The following ZNF143 variants were observed in gnomAD, a reference collection of about 807,000 sequenced individuals.
The protein encoded by ZNF143 is SPH-binding factor.
ZNF143 carries 49 observed loss-of-function variants against 74.1 expected under a neutral mutation model. That is an observed-to-expected ratio of 0.66 (90% CI 0.53 to 0.84). The LOEUF is 0.84. Ranked by LOEUF, ZNF143 falls within the 40% of genes least tolerant of loss-of-function variation. ZNF143 has a pLI of 0.00. For missense variants in ZNF143, 637 were observed against 793.4 expected (o/e 0.80, Z 2.37); for synonymous variants, 304 against 282.8 (o/e 1.07, Z -0.75).
At chr11:9,526,276 C>G (rs1035683841) in intron 15 of ZNF143, among the ~76,000 whole-genome samples, 1 of 151,942 alleles carries the variant, frequency 6.6e-6, no homozygotes, top group Non-Finnish European at 1.5e-5. Flanking sequence ...ATCACTTGAG[C>G]AAGGGAGGTT....
chr11:9,514,038 G>A (rs1357890614), intron 13 of ZNF143, among the ~76,000 whole-genome samples: 1 of 152,196 alleles, frequency 6.6e-6, no homozygotes, highest in Non-Finnish European at 1.5e-5. Flanking sequence ...GACTACAGGT[G>A]TGTACCACCA....
chr11:9,474,123 T>C, intron 4 of ZNF143, 99 bp downstream of exon 4: 2 of 910,004 alleles, frequency 2.2e-6, no homozygotes, highest in Non-Finnish European at 3.6e-6. Context: ...TTGGTCTTGT[T>C]CTCAAGTCCT....
chr11:9,491,936 CTATT>C (rs950502059), intron 7 of ZNF143, among the ~76,000 whole-genome samples: 39 of 151,886 alleles, frequency 2.6e-4, no homozygotes, highest in African/African-American at 8.7e-4. Flanking sequence ...AGCCTACATA[CTATT>C]TATTTATTTA....
chr11:9,496,465 T>C lies in ZNF143; in HGVS notation c.841+87T>C, dbSNP rs567727197. 7.4e-6 allele frequency: 8 copies of C among 1,088,204 alleles called. No homozygotes were observed. In the East Asian group the frequency reaches 1.7e-4, roughly 23 times the overall value. 67.4% of individuals were successfully genotyped at this position (1,088,204 alleles called of 1,614,324 possible). A position where few individuals can be genotyped will look rare whatever the true frequency, so the allele number is the denominator to read the frequency against. ...GTGGAAGGAACTGACCCCTTGGCTG[T>C]GTCTGAATCTGCAGAAGCACATGAT... On this transcript the variant is annotated intron_variant, in intron 9 of 15. Transcript: ENST00000396602.
Position 9,512,446 on chromosome 11 carries a change from A to G in ZNF143, c.1376-2A>G. The stretch of plus-strand genomic sequence containing the variant: ...AATAAATGATTCATTTGTTTTAAAC[A>G]GGTCAAGGTGAAGATGTTCTTAAAG... On this transcript the variant is annotated splice_acceptor_variant, in intron 12 of 15. Coordinates refer to ENST00000396602, the MANE Select transcript of ZNF143 (RefSeq NM_003442.6). LOFTEE classifies it high-confidence loss of function. The G allele has an allele frequency of 6.2e-7, 1 of 1,610,384 alleles. No individual in the cohort carries two copies. Among genetic ancestry groups the G allele is most frequent in the Non-Finnish European group, 8.5e-7 (1 of 1,177,754 alleles).
chr11:9,462,559 A>G (rs1268533337), intron 1 of ZNF143, among the ~76,000 whole-genome samples: 3 of 69,166 alleles, frequency 4.3e-5, no homozygotes, highest in African/African-American at 9.3e-5. Flanking sequence ...ACCGGTCTCG[A>G]AAAAAAAAAA....
At chr11:9,464,011 T>G (rs1008118218) in intron 1 of ZNF143, 1 of 152,232 alleles carries the variant, frequency 6.6e-6, no homozygotes, top group African/African-American at 2.4e-5. Flanking sequence ...GACATGTTTC[T>G]CACTGTTTCA....
At chr11:9,472,821 T>G in intron 3 of ZNF143, 52 bp downstream of exon 3, 1 of 1,386,004 alleles carries the variant, frequency 7.2e-7, no homozygotes, top group Non-Finnish European at 9.7e-7. Context: ...TTATAACCTG[T>G]GAGTTGGAGC....
chr11:9,487,190 C>T (rs1385537053), intron 7 of ZNF143, among the ~76,000 whole-genome samples: 2 of 150,400 alleles, frequency 1.3e-5, no homozygotes, highest in African/African-American at 5.0e-5. Flanking sequence ...TGGTCTCGAA[C>T]TCCTGACCTC....
intron 7 of ZNF143, among the ~76,000 whole-genome samples, chr11:9,489,894 C>T (rs1231425924): frequency 6.6e-6 from 1 of 152,102 alleles, no homozygotes; most frequent in Non-Finnish European, 1.5e-5. Flanking sequence ...ATTTAAAAAA[C>T]ACTGGGCTGG....
Position 9,471,349 on chromosome 11 carries a change from CAG to C in ZNF143, c.44_45del (p.Glu15ValfsTer25), listed in dbSNP as rs1856554458. 1 of 1,612,256 alleles carries C rather than the reference CAG, an allele frequency of 6.2e-7. No individual in the cohort carries two copies. The highest frequency in any genetic ancestry group is 8.5e-7 in the Non-Finnish European group (1 of 1,179,372). ...ATAAATCGAGATTCTCAGGGAATGA[CAG>C]AGTTTCCTGGAGGAGGGATGGAGGC... On this transcript the variant is annotated frameshift_variant, in exon 2 of 16. Transcript: ENST00000396602. LOFTEE classifies it high-confidence loss of function.
chr11:9,487,302 A>G (rs962537972), intron 7 of ZNF143, among the ~76,000 whole-genome samples: 4 of 151,446 alleles, frequency 2.6e-5, no homozygotes, highest in South Asian at 2.1e-4. Flanking sequence ...GATAGGCCCT[A>G]TGTATCTTGC....
rs772076480 is a variant in ZNF143, at chr11:9,472,784, T to G, written c.205+15T>G. The G allele has an allele frequency of 6.5e-7, 1 of 1,535,500 alleles. No homozygotes were observed. Among genetic ancestry groups the G allele is most frequent in the Non-Finnish European group, 8.7e-7 (1 of 1,144,690 alleles). On this transcript the variant is annotated intron_variant, in intron 3 of 15. Transcript: ENST00000396602. ...CAATTCTAAAGGTATGTGCCTCACA[T>G]ATGGCTGATTGGTTAATACCAGTGA...
intron 13 of ZNF143, among the ~76,000 whole-genome samples, chr11:9,513,933 T>C (rs1185552559): frequency 2.0e-5 from 3 of 152,170 alleles, no homozygotes. Flanking sequence ...ATCTGTTCCA[T>C]TGTTGGATAA....
rs774455255 is a variant in ZNF143, at chr11:9,508,629, A to G, written c.1158A>G (p.Pro386=). 3.7e-6 allele frequency: 6 copies of G among 1,611,648 alleles called. No homozygotes were observed. The highest frequency in any genetic ancestry group is 4.5e-5 in the East Asian group (2 of 44,888). Residue 386 remains proline (P), a synonymous_variant, in exon 12 of 16, where the codon CCA becomes CCG. Transcript: ENST00000396602. ...NHVRIHTGEK[P]YVCTVPGCDK... ...GGTGTTGCTCTTTAGGAGAAAAGCC[A>G]TATGTTTGTACAGTTCCTGGGTGTG...
intron 7 of ZNF143, among the ~76,000 whole-genome samples, chr11:9,490,874 A>G (rs1847747225): frequency 2.0e-5 from 3 of 152,096 alleles, no homozygotes; most frequent in Admixed American, 2.0e-4. Context: ...CTGGGACCAC[A>G]AGTACATACC....
rs954404348 is a variant in ZNF143 at position 9,520,025 on chromosome 11, ATT to A, written c.1686+3691_1686+3692del. On this transcript the variant is annotated intron_variant, in intron 14 of 15. Transcript: ENST00000396602. ...ATGTAGCAAGACACTGTTTCCACCA[ATT>A]TTTTTTTTTTTTTTTTTTTTTTTTT... is the stretch of plus-strand genomic sequence containing the variant. Among the ~76,000 whole-genome samples, 244 of 91,350 alleles carry A rather than the reference ATT, an allele frequency of 2.7e-3. 1 individual carries two copies. Among genetic ancestry groups the A allele is most frequent in the African/African-American group, 9.9e-3 (208 of 20,998 alleles). 59.9% of individuals were successfully genotyped at this position (91,350 alleles called of 152,430 possible). A position where few individuals can be genotyped will look rare whatever the true frequency, so the allele number is the denominator to read the frequency against.
At chr11:9,463,959 A>T (rs1052821758) in intron 1 of ZNF143, 4 of 152,144 alleles carry the variant, frequency 2.6e-5, no homozygotes, top group Non-Finnish European at 4.4e-5. Context: ...TATGGTATCT[A>T]CTTTTCTGCA....
intron 1 of ZNF143, among the ~76,000 whole-genome samples, chr11:9,470,953 A>C (rs766512330): frequency 1.3e-5 from 2 of 152,054 alleles, no homozygotes; most frequent in Non-Finnish European, 2.9e-5. Flanking sequence ...TAAGTCAACA[A>C]AATATGCTGA....
Sources: gnomAD v4.1 joint callset for allele counts (sites outside exome capture counted in the v4.1 genomes callset) on GRCh38, gnomAD v4.1.1 for gene constraint, MANE v1.5 for transcripts, NCBI Gene and HGNC (gene_info 2026-07-23, HGNC 2026-07-21) for gene names.